Variants in KHDRBS2 observed in about 807,000 individuals in gnomAD.
The protein encoded by KHDRBS2 is KH RNA binding domain containing, signal transduction associated 2.
KHDRBS2 carries 26 observed loss-of-function variants against 44.3 expected under a neutral mutation model. That is an observed-to-expected ratio of 0.59 (90% confidence interval 0.43 to 0.81). KHDRBS2 has a LOEUF of 0.81. KHDRBS2 is among the 40% of genes least tolerant of loss of function. The pLI is 0.00. For missense variants in KHDRBS2, 476 were observed against 433.1 expected, an observed-to-expected ratio of 1.10 and a Z score of -0.88; for synonymous variants, 194 against 151.1, an observed-to-expected ratio of 1.28 and a Z score of -2.08.
At chr6:62,103,961 G>A (rs1338261751) in intron 2 of KHDRBS2, among the ~76,000 whole-genome samples, 1 of 151,986 alleles carries the variant, frequency 6.6e-6, no homozygotes, top group Admixed American at 6.5e-5. Flanking sequence ...AGAAACATAA[G>A]GTCATAAAGG....
the KHDRBS2 span, among the ~76,000 whole-genome samples, chr6:61,661,753 C>T: frequency 1.1e-4 from 17 of 151,758 alleles, no homozygotes; most frequent in Non-Finnish European, 2.4e-4. Flanking sequence ...AAAGAGGATA[C>T]AAACAAATGG....
At chr6:61,938,142 C>T (rs1211413912) in intron 4 of KHDRBS2, among the ~76,000 whole-genome samples, 2 of 152,012 alleles carry the variant, frequency 1.3e-5, no homozygotes, top group Admixed American at 1.3e-4. Flanking sequence ...ATATAAGTCT[C>T]AATATCGCTC....
At chr6:61,963,204 C>T (rs1444065809) in intron 4 of KHDRBS2, among the ~76,000 whole-genome samples, 1 of 151,932 alleles carries the variant, frequency 6.6e-6, no homozygotes, top group Non-Finnish European at 1.5e-5. Flanking sequence ...ATGAGATAAA[C>T]TCCTGGTTTA....
intron 2 of KHDRBS2, among the ~76,000 whole-genome samples, chr6:62,093,943 T>C (rs986833105): frequency 2.0e-5 from 3 of 151,818 alleles, no homozygotes; most frequent in Non-Finnish European, 4.4e-5. Flanking sequence ...TTTATGTTTG[T>C]TCATTCCATA....
chr6:61,620,329 T>C, the KHDRBS2 span, among the ~76,000 whole-genome samples: 2 of 152,170 alleles, frequency 1.3e-5, no homozygotes, highest in African/African-American at 4.8e-5. Flanking sequence ...TATTGATTCT[T>C]TTAATTGAGA....
chr6:61,955,641 C>CATAT lies in KHDRBS2; in HGVS notation c.483+22424_483+22425insATAT, dbSNP rs1562521732. On this transcript the variant is annotated intron_variant, in intron 4 of 8. Transcript: ENST00000281156. ...ATGTATGCATACATGTGTATATACA[C>CATAT]GTATGTATGTATGCATATATGTGTA... Among the ~76,000 whole-genome samples the CATAT allele has an allele frequency of 9.1e-5, 13 of 143,482 alleles. 1 individual carries two copies. The highest frequency in any genetic ancestry group is 2.8e-4 in the African/African-American group (11 of 39,104). 94.1% of individuals were successfully genotyped at this position (143,482 alleles called of 152,430 possible).
chr6:61,606,157 C>T, the KHDRBS2 span, among the ~76,000 whole-genome samples: 41 of 152,324 alleles, frequency 2.7e-4, no homozygotes, highest in African/African-American at 9.1e-4. Flanking sequence ...GGCCCCACCC[C>T]TATCTCCCTT....
At chr6:62,084,680 A>C (rs2127358142) in intron 2 of KHDRBS2, among the ~76,000 whole-genome samples, 1 of 152,332 alleles carries the variant, frequency 6.6e-6, no homozygotes, top group African/African-American at 2.4e-5. Flanking sequence ...GAAATTATTA[A>C]TGTTGTATCA....
chr6:61,786,355 G>T (rs907120678), intron 6 of KHDRBS2, among the ~76,000 whole-genome samples: 1 of 151,868 alleles, frequency 6.6e-6, no homozygotes, highest in African/African-American at 2.4e-5. Flanking sequence ...ATGATTAGGG[G>T]TCATATTTAA....
chr6:62,046,774 T>C (rs1787794621), intron 3 of KHDRBS2, among the ~76,000 whole-genome samples: 1 of 151,826 alleles, frequency 6.6e-6, no homozygotes, highest in African/African-American at 2.4e-5. Context: ...GGCAGGAGGA[T>C]TGGCAAGAAT....
chr6:61,586,266 A>G, the KHDRBS2 span, among the ~76,000 whole-genome samples: 1 of 152,204 alleles, frequency 6.6e-6, no homozygotes, highest in African/African-American at 2.4e-5. Flanking sequence ...TTCAAGGAGC[A>G]TGTGTCTCCC....
chr6:62,003,292 GTAAAATAAAATAAAA>G (rs199839595), intron 3 of KHDRBS2, among the ~76,000 whole-genome samples: 1 of 151,530 alleles, frequency 6.6e-6, no homozygotes, highest in Non-Finnish European at 1.5e-5. Context: ...AAAAAGTAAA[GTAAAATAAAATAAAA>G]TAAAATAAAA....
intron 1 of KHDRBS2, among the ~76,000 whole-genome samples, chr6:62,278,944 A>G (rs1007543337): frequency 2.0e-5 from 3 of 151,838 alleles, no homozygotes; most frequent in Non-Finnish European, 4.4e-5. Flanking sequence ...AATACAAAAA[A>G]TTAGCCAGGC....
intron 6 of KHDRBS2, among the ~76,000 whole-genome samples, chr6:61,869,661 C>T (rs1240431154): frequency 6.6e-6 from 1 of 152,062 alleles, no homozygotes; most frequent in Non-Finnish European, 1.5e-5. Flanking sequence ...AACTGAGGTA[C>T]CTGGTTCATC....
chr6:61,594,932 T>C, the KHDRBS2 span, among the ~76,000 whole-genome samples: 3 of 152,052 alleles, frequency 2.0e-5, no homozygotes. Flanking sequence ...GCCACAGTGA[T>C]AATGAAAAGG....
intron 4 of KHDRBS2, among the ~76,000 whole-genome samples, chr6:61,973,126 T>G (rs1771782980): frequency 6.6e-6 from 1 of 152,208 alleles, no homozygotes; most frequent in African/African-American, 2.4e-5. Flanking sequence ...AGAGTGAGAC[T>G]CTGTCTCAAA....
intron 4 of KHDRBS2, among the ~76,000 whole-genome samples, chr6:61,951,764 T>C (rs1489327328): frequency 6.6e-6 from 1 of 152,080 alleles, no homozygotes; most frequent in Non-Finnish European, 1.5e-5. Flanking sequence ...TTTATGGCCA[T>C]GGTTAAGGTG....
At chr6:61,605,216 C>A in the KHDRBS2 span, among the ~76,000 whole-genome samples, 1 of 152,106 alleles carries the variant, frequency 6.6e-6, no homozygotes, top group South Asian at 2.1e-4. Context: ...GACACCAGAC[C>A]AACTTGGACT....
At chr6:62,100,290 T>C (rs1026299173) in intron 2 of KHDRBS2, among the ~76,000 whole-genome samples, 1 of 152,226 alleles carries the variant, frequency 6.6e-6, no homozygotes, top group Non-Finnish European at 1.5e-5. Context: ...TTTTTATAAA[T>C]TAGCAAAGAA....
Sources: allele counts gnomAD v4.1 joint callset (sites outside exome capture counted in the v4.1 genomes callset), GRCh38; gene constraint gnomAD v4.1.1; transcripts MANE v1.5; gene names NCBI Gene and HGNC (gene_info 2026-07-23, HGNC 2026-07-21).